The following LYPD6B variants were observed in gnomAD, a reference collection of about 807,000 sequenced individuals.
The protein encoded by LYPD6B is LY6/PLAUR domain containing 6B.
LYPD6B carries 17 observed loss-of-function variants against 22.8 expected under a neutral mutation model. The ratio of observed to expected loss-of-function variants is 0.75; its 90% CI spans 0.51 to 1.12. The LOEUF (loss-of-function observed/expected upper bound fraction) is 1.12. Among genes scored for constraint, LYPD6B ranks in the 50% most tolerant of loss-of-function variants. The probability of loss-of-function intolerance (pLI) is 0.00; values close to 1 mark genes in which losing one functional copy is unlikely to be tolerated. For missense variants in LYPD6B, 221 were observed against 258.3 expected (o/e 0.86, Z 0.99); for synonymous variants, 106 against 91.6 (o/e 1.16, Z -0.90).
intron 1 of LYPD6B, among the ~76,000 whole-genome samples, chr2:149,065,793 C>T (rs956701485): frequency 1.3e-5 from 2 of 152,182 alleles, no homozygotes; most frequent in Non-Finnish European, 2.9e-5. Flanking sequence ...ACTGCAATCT[C>T]CACCTCCCAG....
intron 6 of LYPD6B, among the ~76,000 whole-genome samples, chr2:149,213,831 G>T (rs1031137622): frequency 4.6e-5 from 7 of 152,248 alleles, no homozygotes; most frequent in Non-Finnish European, 5.9e-5. Flanking sequence ...TGGGTGTCAG[G>T]ATCTTTTTAA....
rs144306935 is a variant in LYPD6B at position 149,177,442 on chromosome 2, T to G, written c.77+16607T>G. On this transcript the variant is annotated intron_variant, in intron 3 of 6. Transcript: ENST00000409642. The stretch of plus-strand genomic sequence containing the variant: ...CTTAGCTCTGCTCCCATTTGGCTAT[T>G]TCCTTCTGTCTCTTATTCCCCTTCA... 5.6e-4 allele frequency among the ~76,000 whole-genome samples: 85 copies of G among 152,356 alleles called. 1 individual carries two copies. In the East Asian group the frequency reaches 0.015, roughly 27 times the overall value.
chr2:149,170,426 G>A (rs934333017), intron 3 of LYPD6B, among the ~76,000 whole-genome samples: 3 of 152,106 alleles, frequency 2.0e-5, no homozygotes, highest in East Asian at 1.9e-4. Context: ...ACTGTTCTCT[G>A]TGCTATATTC....
intron 1 of LYPD6B, among the ~76,000 whole-genome samples, chr2:149,043,521 A>G (rs1182634501): frequency 1.3e-5 from 2 of 152,156 alleles, no homozygotes; most frequent in Non-Finnish European, 2.9e-5. Flanking sequence ...GTTGTTCAGT[A>G]CAATAATTTG....
chr2:149,091,335 AAG>A (rs1198277717), intron 1 of LYPD6B, among the ~76,000 whole-genome samples: 3 of 150,720 alleles, frequency 2.0e-5, no homozygotes, highest in Admixed American at 2.0e-4. Flanking sequence ...GTTATGTATA[AAG>A]ATTGAAAGAG....
intron 1 of LYPD6B, among the ~76,000 whole-genome samples, chr2:149,099,043 A>G (rs942508135): frequency 2.6e-5 from 4 of 152,188 alleles, no homozygotes; most frequent in African/African-American, 9.7e-5. Flanking sequence ...TTGAAGGTCT[A>G]CTGCCCATTC....
chr2:149,111,316 T>C (rs1265717326), intron 1 of LYPD6B, among the ~76,000 whole-genome samples: 2 of 152,162 alleles, frequency 1.3e-5, no homozygotes, highest in Non-Finnish European at 2.9e-5. Flanking sequence ...GAGAATTGAC[T>C]ATAGGTAAAG....
rs192033935 is a variant in LYPD6B at position 149,174,184 on chromosome 2, G to C, written c.77+13349G>C. Reference sequence around the variant, plus strand: ...TGAATGGGAGTTCATTCATGATTTGGCTCTCAGCTTGGTGTAAAGGAATGC... The same window carrying C: ...TGAATGGGAGTTCATTCATGATTTGCCTCTCAGCTTGGTGTAAAGGAATGC... On this transcript the variant is annotated intron_variant, in intron 3 of 6. Coordinates refer to ENST00000409642, the MANE Select transcript of LYPD6B (RefSeq NM_177964.5). 1.4e-4 allele frequency among the ~76,000 whole-genome samples: 22 copies of C among 152,132 alleles called. No homozygotes were observed. In the East Asian group the frequency reaches 4.1e-3, roughly 28 times the overall value.
At chr2:149,210,977 T>C (rs1575188085) in intron 5 of LYPD6B, among the ~76,000 whole-genome samples, 1 of 152,288 alleles carries the variant, frequency 6.6e-6, no homozygotes, top group East Asian at 1.9e-4. Context: ...CCATAGGCTG[T>C]TCAGGAAGCA....
chr2:149,160,359 A>G (rs531933220), intron 2 of LYPD6B: 54 of 449,616 alleles, frequency 1.2e-4, no homozygotes, highest in African/African-American at 1.1e-3. Context: ...CAGAGTCTTC[A>G]TTGTGGATGT....
At chr2:149,102,081 C>T (rs1480155305) in intron 1 of LYPD6B, among the ~76,000 whole-genome samples, 1 of 152,232 alleles carries the variant, frequency 6.6e-6, no homozygotes, top group Non-Finnish European at 1.5e-5. Flanking sequence ...TTACTCACAG[C>T]TTTAATGTTC....
At chr2:149,056,654 A>T (rs879412744) in intron 1 of LYPD6B, among the ~76,000 whole-genome samples, 2 of 152,172 alleles carry the variant, frequency 1.3e-5, no homozygotes, top group Non-Finnish European at 2.9e-5. Context: ...ATGCACATAC[A>T]TGCATGCACA....
intron 3 of LYPD6B, among the ~76,000 whole-genome samples, chr2:149,195,990 T>C (rs1008507125): frequency 1.4e-4 from 21 of 152,178 alleles, no homozygotes; most frequent in Non-Finnish European, 2.8e-4. Flanking sequence ...CCCATTATAC[T>C]AGGCAGCATT....
chr2:149,122,687 A>C (rs1575009974), intron 1 of LYPD6B, among the ~76,000 whole-genome samples: 1 of 151,428 alleles, frequency 6.6e-6, no homozygotes, highest in Non-Finnish European at 1.5e-5. Context: ...GTACATACTC[A>C]GGGCAGCTTG....
At chr2:149,171,011 A>G (rs1447901037) in intron 3 of LYPD6B, among the ~76,000 whole-genome samples, 1 of 152,232 alleles carries the variant, frequency 6.6e-6, no homozygotes, top group African/African-American at 2.4e-5. Context: ...AATAATTAGT[A>G]GCTGTGAAAA....
chr2:149,142,904 G>A (rs982984848), intron 2 of LYPD6B, among the ~76,000 whole-genome samples: 6 of 152,026 alleles, frequency 3.9e-5, no homozygotes, highest in African/African-American at 1.5e-4. Flanking sequence ...AGTAACCTTC[G>A]TTTTAGAAAT....
chr2:149,162,520 C>T (rs1690143051), intron 3 of LYPD6B, among the ~76,000 whole-genome samples: 1 of 152,140 alleles, frequency 6.6e-6, no homozygotes, highest in Non-Finnish European at 1.5e-5. Flanking sequence ...TGCTTGCATT[C>T]CCTTTTGTCC....
intron 3 of LYPD6B, among the ~76,000 whole-genome samples, chr2:149,166,750 A>G (rs1033136291): frequency 2.6e-5 from 4 of 152,050 alleles, no homozygotes; most frequent in African/African-American, 9.7e-5. Flanking sequence ...GAGAATTTGC[A>G]TGTTCACCCT....
At chr2:149,046,179 A>G (rs533102661) in intron 1 of LYPD6B, among the ~76,000 whole-genome samples, 5 of 152,068 alleles carry the variant, frequency 3.3e-5, no homozygotes, top group African/African-American at 9.6e-5. Context: ...CTTTTTCTGT[A>G]GTCTGCTTTG....
Sources: allele counts gnomAD v4.1 joint callset (sites outside exome capture counted in the v4.1 genomes callset), GRCh38; gene constraint gnomAD v4.1.1; transcripts MANE v1.5; gene names NCBI Gene and HGNC (gene_info 2026-07-23, HGNC 2026-07-21).